CEP112: variants seen among roughly 807,000 people sequenced by gnomAD.
The protein encoded by CEP112 is centrosomal protein of 112 kDa.
A neutral mutation model predicts 153.0 loss-of-function variants in CEP112; 127 were observed. The observed-to-expected ratio is 0.83, with a 90% confidence interval of 0.72 to 0.96. The LOEUF is 0.96. Ranked by LOEUF, CEP112 falls within the 40% of genes least tolerant of loss-of-function variation. The probability of loss-of-function intolerance (pLI) is 0.00; values close to 1 mark genes in which losing one functional copy is unlikely to be tolerated. For synonymous variants in CEP112, 358 were observed against 374.4 expected, an observed-to-expected ratio of 0.96 and a Z score of 0.51; for missense variants, 1,089 against 1,101.2, an observed-to-expected ratio of 0.99 and a Z score of 0.16.
chr17:65,849,055 A>G (rs1334323512), intron 21 of CEP112, among the ~76,000 whole-genome samples: 2 of 152,102 alleles, frequency 1.3e-5, no homozygotes, highest in Non-Finnish European at 2.9e-5. Context: ...CTCACTGTTT[A>G]CCCAATGAAG....
At chr17:65,790,943 C>T (rs1203740491) in intron 21 of CEP112, among the ~76,000 whole-genome samples, 3 of 152,142 alleles carry the variant, frequency 2.0e-5, no homozygotes, top group Middle Eastern at 3.2e-3. Flanking sequence ...GACATACAGG[C>T]ACCAACTGGC....
intron 8 of CEP112, among the ~76,000 whole-genome samples, chr17:66,072,039 C>T (rs1364191629): frequency 6.6e-6 from 1 of 152,150 alleles, no homozygotes; most frequent in Non-Finnish European, 1.5e-5. Flanking sequence ...GCAATAATAG[C>T]ACAAGGAACT....
At chr17:66,177,052 A>G (rs2159557) in intron 2 of CEP112, 32 bp from the exon 3 acceptor site, 644,737 of 1,536,416 alleles carry the variant, frequency 0.42, 142,571 homozygotes, top group Non-Finnish European at 0.46. Flanking sequence ...TAGAAATTTT[A>G]TTTTTTATAA....
chr17:65,795,812 G>T (rs921305072), intron 21 of CEP112, among the ~76,000 whole-genome samples: 1 of 151,776 alleles, frequency 6.6e-6, no homozygotes, highest in Admixed American at 6.6e-5. Context: ...GCTCTGTCTC[G>T]AAATAAATAA....
intron 21 of CEP112, among the ~76,000 whole-genome samples, chr17:65,805,127 C>G (rs558798167): frequency 6.6e-6 from 1 of 152,172 alleles, no homozygotes; most frequent in Admixed American, 6.5e-5. Flanking sequence ...AAATTACAGG[C>G]AGGAGCCACC....
At chr17:66,113,375 C>T (rs1273973478) in intron 6 of CEP112, among the ~76,000 whole-genome samples, 3 of 146,198 alleles carry the variant, frequency 2.1e-5, no homozygotes, top group East Asian at 3.9e-4. Flanking sequence ...CAAAACCCAA[C>T]TCATGAAGCA....
chr17:65,724,681 C>T (rs1412182894), intron 23 of CEP112, among the ~76,000 whole-genome samples: 2 of 152,206 alleles, frequency 1.3e-5, no homozygotes, highest in African/African-American at 4.8e-5. Context: ...ACATATGTCT[C>T]AACCTATACA....
chr17:65,640,875 T>C, intron 25 of CEP112, 89 bp downstream of exon 25: 1 of 772,862 alleles, frequency 1.3e-6, no homozygotes, highest in Non-Finnish European at 2.3e-6. Context: ...CATTGATTTC[T>C]GGCAACAATT....
intron 16 of CEP112, among the ~76,000 whole-genome samples, chr17:66,006,264 G>A (rs1568368856): frequency 6.6e-6 from 1 of 151,996 alleles, no homozygotes; most frequent in Admixed American, 6.6e-5. Context: ...TCCTAAATGT[G>A]GATCATTTGA....
intron 4 of CEP112, among the ~76,000 whole-genome samples, chr17:66,153,446 C>T (rs1186212970): frequency 7.0e-6 from 1 of 142,998 alleles, no homozygotes; most frequent in Admixed American, 7.2e-5. Context: ...TACGTATTAC[C>T]CATGAAATTT....
chr17:66,167,636 A>C (rs529076191), intron 4 of CEP112, among the ~76,000 whole-genome samples: 1 of 152,318 alleles, frequency 6.6e-6, no homozygotes, highest in Admixed American at 6.5e-5. Context: ...AAGTGGAAAA[A>C]AACAGATAAA....
At position 65,669,903 on chromosome 17, in the gene CEP112, G is replaced by GA. The variant is rs11346097; in HGVS notation, c.2697+19225dup. Among the ~76,000 whole-genome samples, 1,171 of 126,562 alleles carry GA rather than the reference G, an allele frequency of 9.3e-3. 15 individuals are homozygous for GA. Among genetic ancestry groups the GA allele is most frequent in the African/African-American group, 0.021 (727 of 34,718 alleles). The allele number at this position is 126,562 out of a possible 152,430, so 83.0% of individuals were successfully genotyped here. ...GGGCGACAGAGCGAGACTTCGTCTT[G>GA]AAAAAAAAAAAAAAAAAGAGAGAAA... On this transcript the variant is annotated intron_variant, in intron 24 of 26. Coordinates refer to ENST00000535342, the MANE Select transcript of CEP112 (RefSeq NM_001199165.4).
rs118141709 is a variant in CEP112, at chr17:66,179,265, T to G, written c.107-2245A>C. Among the ~76,000 whole-genome samples the G allele has an allele frequency of 0.03, 4,611 of 152,282 alleles. 607 individuals carry two copies. The East Asian group carries it at 0.45, about 15-fold the overall frequency. On this transcript the variant is annotated intron_variant, in intron 2 of 26. Coordinates refer to ENST00000535342, the MANE Select transcript of CEP112 (RefSeq NM_001199165.4). ...GTATTTTGATAGGGATTGCACTGAA[T>G]CTGCAGATTGGTTTGGGTAGTATGG...
intron 4 of CEP112, among the ~76,000 whole-genome samples, chr17:66,136,095 T>C (rs2070425325): frequency 6.6e-6 from 1 of 151,882 alleles, no homozygotes. Context: ...AGTAGGAAAA[T>C]TTGTGGAATC....
At chr17:65,981,205 T>C (rs11871121) in intron 17 of CEP112, among the ~76,000 whole-genome samples, 9,844 of 152,218 alleles carry the variant, frequency 0.065, 457 homozygotes, top group South Asian at 0.12. Context: ...AATTTTACTA[T>C]ATGGAAGAAT....
intron 20 of CEP112, among the ~76,000 whole-genome samples, chr17:65,857,520 G>A (rs944515731): frequency 5.9e-5 from 9 of 152,126 alleles, no homozygotes; most frequent in East Asian, 3.8e-4. Flanking sequence ...GACTACAGGT[G>A]TAAGCCACCA....
At chr17:65,821,124 A>C (rs1043316846) in intron 21 of CEP112, among the ~76,000 whole-genome samples, 53 of 143,760 alleles carry the variant, frequency 3.7e-4, no homozygotes, top group Middle Eastern at 3.6e-3. Context: ...AAAAAAAAAA[A>C]CAAAAAATGT....
intron 16 of CEP112, 120 bp downstream of exon 16, chr17:66,027,381 A>C: frequency 9.9e-7 from 1 of 1,010,156 alleles, no homozygotes; most frequent in Non-Finnish European, 1.3e-6. Context: ...TGTCTAAAAA[A>C]AAAGACAAAG....
At chr17:65,790,661 C>T (rs2054540406) in intron 21 of CEP112, among the ~76,000 whole-genome samples, 1 of 152,136 alleles carries the variant, frequency 6.6e-6, no homozygotes, top group Non-Finnish European at 1.5e-5. Flanking sequence ...AGGGCTCAGG[C>T]CATTTTCTGA....
Sources: allele counts gnomAD v4.1 joint callset (sites outside exome capture counted in the v4.1 genomes callset), GRCh38; gene constraint gnomAD v4.1.1; transcripts MANE v1.5; gene names NCBI Gene and HGNC (gene_info 2026-07-23, HGNC 2026-07-21).